MAD1L1: variants seen among roughly 807,000 people sequenced by gnomAD.
The protein encoded by MAD1L1 is mitotic arrest deficient 1 like 1.
In MAD1L1, 95 loss-of-function variants were observed where a neutral mutation model predicts 96.9. That is an observed-to-expected ratio of 0.98 (90% confidence interval 0.83 to 1.16). The LOEUF (loss-of-function observed/expected upper bound fraction) is 1.16. Ranked by LOEUF, MAD1L1 falls within the 50% of genes most tolerant of loss-of-function variation. The pLI is 0.00. For synonymous variants in MAD1L1, 473 were observed against 396.6 expected (o/e 1.19, Z -2.29); for missense variants, 1,007 against 954.4 (o/e 1.06, Z -0.73).
intron 15 of MAD1L1, among the ~76,000 whole-genome samples, chr7:1,963,490 G>C (rs1477428433): frequency 6.6e-6 from 1 of 152,226 alleles, no homozygotes; most frequent in Non-Finnish European, 1.5e-5. Context: ...GAATATGAAT[G>C]TGGTAACGGC....
intron 14 of MAD1L1, among the ~76,000 whole-genome samples, chr7:1,996,741 G>C (rs946350497): frequency 6.6e-6 from 1 of 152,244 alleles, no homozygotes; most frequent in African/African-American, 2.4e-5. Flanking sequence ...GGGCCACAAA[G>C]GGAAATCAGC....
intron 11 of MAD1L1, among the ~76,000 whole-genome samples, chr7:2,115,112 GC>G (rs1232019824): frequency 6.6e-6 from 1 of 152,230 alleles, no homozygotes; most frequent in Non-Finnish European, 1.5e-5. Flanking sequence ...AGAAGCCGGG[GC>G]CCACCACTGG....
chr7:1,943,647 G>A (rs3957486), intron 16 of MAD1L1, among the ~76,000 whole-genome samples: 149,637 of 152,182 alleles, frequency 0.98, 73,614 homozygotes, highest in Middle Eastern at 1. Context: ...CTGGAACCCT[G>A]GTGTGCGGCA....
chr7:2,220,118 C>G (rs1001737119), intron 5 of MAD1L1, among the ~76,000 whole-genome samples: 1 of 152,240 alleles, frequency 6.6e-6, no homozygotes, highest in Non-Finnish European at 1.5e-5. Flanking sequence ...CGCCCTCACA[C>G]CACAGCAAGG....
intron 11 of MAD1L1, among the ~76,000 whole-genome samples, chr7:2,083,310 G>A (rs1291909717): frequency 1.3e-5 from 2 of 152,222 alleles, no homozygotes; most frequent in Admixed American, 1.3e-4. Flanking sequence ...GCCGGGCGGG[G>A]GGCTTGGAGG....
intron 14 of MAD1L1, among the ~76,000 whole-genome samples, chr7:2,001,509 G>A (rs752735306): frequency 6.6e-6 from 1 of 152,372 alleles, no homozygotes; most frequent in African/African-American, 2.4e-5. Flanking sequence ...CCCAGGCTCG[G>A]AGGCAGCCAG....
At chr7:1,951,125 C>T (rs1296501948) in intron 16 of MAD1L1, among the ~76,000 whole-genome samples, 1 of 152,262 alleles carries the variant, frequency 6.6e-6, no homozygotes, top group Admixed American at 6.5e-5. Flanking sequence ...CCCTGCCAGA[C>T]TGGCGGATGA....
At chr7:1,828,885 G>A (rs1451611376) in intron 18 of MAD1L1, among the ~76,000 whole-genome samples, 1 of 151,984 alleles carries the variant, frequency 6.6e-6, no homozygotes, top group Admixed American at 6.6e-5. Flanking sequence ...ACATAAAAGG[G>A]ACAAAAAAGA....
intron 11 of MAD1L1, among the ~76,000 whole-genome samples, chr7:2,128,117 G>C (rs968956901): frequency 6.6e-6 from 1 of 152,172 alleles, no homozygotes; most frequent in South Asian, 2.1e-4. Context: ...CCCTGTTGAG[G>C]AGCTGCTGAC....
In MAD1L1 at chr7:1,884,342, T is replaced by C. The variant is rs185816862; in HGVS notation, c.1998+13858A>G. 2.8e-3 allele frequency among the ~76,000 whole-genome samples: 433 copies of C among 152,270 alleles called. 5 individuals are homozygous for C. The highest frequency in any genetic ancestry group is 9.7e-3 in the African/African-American group (404 of 41,576). On this transcript the variant is annotated intron_variant, in intron 18 of 18. Coordinates refer to ENST00000265854, the MANE Select transcript of MAD1L1 (RefSeq NM_001013836.2). ...GTGCACCCCTAGCCACCGACCCACA[T>C]GTCCGGGCAGCCACCAGCTCCCCTG...
intron 12 of MAD1L1, among the ~76,000 whole-genome samples, chr7:2,014,921 G>A (rs933521671): frequency 2.6e-5 from 4 of 152,216 alleles, no homozygotes; most frequent in Non-Finnish European, 4.4e-5. Flanking sequence ...GCTCCACCTC[G>A]TACCGGCAGT....
chr7:2,090,723 G>T (rs1786166896), intron 11 of MAD1L1, among the ~76,000 whole-genome samples: 1 of 152,206 alleles, frequency 6.6e-6, no homozygotes, highest in Non-Finnish European at 1.5e-5. Flanking sequence ...GGAGCTACAG[G>T]TCTGTAAAGA....
intron 17 of MAD1L1, among the ~76,000 whole-genome samples, chr7:1,903,910 T>TAAAG (rs1787441196): frequency 2.4e-5 from 3 of 122,918 alleles, no homozygotes; most frequent in South Asian, 5.5e-4. Context: ...TCATGATTGA[T>TAAAG]CAAGCACTGT....
intron 18 of MAD1L1, among the ~76,000 whole-genome samples, chr7:1,839,648 A>G (rs989002987): frequency 1.3e-5 from 2 of 152,210 alleles, no homozygotes; most frequent in Non-Finnish European, 2.9e-5. Flanking sequence ...TGGGATGTGC[A>G]GGCTTGGGAG....
chr7:2,087,758 G>A (rs555332095), intron 11 of MAD1L1, among the ~76,000 whole-genome samples: 1 of 152,316 alleles, frequency 6.6e-6, no homozygotes, highest in Admixed American at 6.5e-5. Context: ...CCCATGGCCA[G>A]GAGCAGGGAC....
chr7:1,836,941 C>T (rs1175524808), intron 18 of MAD1L1, among the ~76,000 whole-genome samples: 1 of 152,180 alleles, frequency 6.6e-6, no homozygotes, highest in Non-Finnish European at 1.5e-5. Flanking sequence ...CAAAAGCACA[C>T]TCCATAAAAT....
chr7:1,837,624 T>C (rs1323315540), intron 18 of MAD1L1, among the ~76,000 whole-genome samples: 2 of 152,242 alleles, frequency 1.3e-5, no homozygotes, highest in Admixed American at 6.5e-5. Context: ...GTTGATACCA[T>C]AGCAACACGG....
chr7:2,093,977 G>A (rs1214743879), intron 11 of MAD1L1, among the ~76,000 whole-genome samples: 1 of 152,226 alleles, frequency 6.6e-6, no homozygotes, highest in Non-Finnish European at 1.5e-5. Flanking sequence ...GAACCTCAGA[G>A]CCACAGCATC....
chr7:2,043,872 G>A (rs1175215906), intron 12 of MAD1L1, among the ~76,000 whole-genome samples: 6 of 152,216 alleles, frequency 3.9e-5, no homozygotes, highest in African/African-American at 1.4e-4. Context: ...AGGGAGGGCC[G>A]GGCAAAGCCT....
Sources: gnomAD v4.1 joint callset for allele counts (sites outside exome capture counted in the v4.1 genomes callset) on GRCh38, gnomAD v4.1.1 for gene constraint, MANE v1.5 for transcripts, NCBI Gene and HGNC (gene_info 2026-07-23, HGNC 2026-07-21) for gene names.